The following SCPEP1 variants were observed in gnomAD, a reference collection of about 807,000 sequenced individuals.
SCPEP1 encodes the protein retinoid-inducible serine carboxypeptidase.
Under a neutral mutation model 63.8 loss-of-function variants are expected in SCPEP1, and 51 were observed. That is an observed-to-expected ratio of 0.80 (90% CI 0.64 to 1.01). The LOEUF (loss-of-function observed/expected upper bound fraction) is 1.01, where lower values mean the gene tolerates loss of function less well. Ranked by LOEUF, SCPEP1 falls within the 50% of genes least tolerant of loss-of-function variation. SCPEP1 has a pLI of 0.00. For missense variants in SCPEP1, 499 were observed against 554.9 expected (o/e 0.90, Z 1.01); for synonymous variants, 204 against 207.8 (o/e 0.98, Z 0.16).
At chr17:56,981,253 C>T in intron 2 of SCPEP1, 23 bp downstream of exon 2, 1 of 1,613,632 alleles carries the variant, frequency 6.2e-7, no homozygotes, top group Non-Finnish European at 8.5e-7. Flanking sequence ...CCCAGCCTGG[C>T]CTGAGGTCAA....
In SCPEP1 at chr17:56,985,368, T is replaced by G; in HGVS notation, c.226-10T>G. 6.2e-7 allele frequency: 1 copy of G among 1,612,654 alleles called. No homozygotes were observed. Among genetic ancestry groups the G allele is most frequent in the Non-Finnish European group, 8.5e-7 (1 of 1,178,758 alleles). On this transcript the variant is annotated splice_polypyrimidine_tract_variant and intron_variant, in intron 2 of 12. Transcript: ENST00000262288. The stretch of plus-strand genomic sequence containing the variant: ...CTAAAATTTTTGTTTGTTTCTTCTC[T>G]CTTCCATAGGGCGGTCCAGGCGGTT...
chr17:56,997,182 G>T (rs940216190), intron 9 of SCPEP1, 127 bp downstream of exon 9: 4 of 565,966 alleles, frequency 7.1e-6, no homozygotes, highest in East Asian at 2.9e-5. Flanking sequence ...CTCACTGTAA[G>T]TGGTTTTCAG....
At chr17:56,983,739 C>G (rs1160357174) in intron 2 of SCPEP1, 1 of 152,078 alleles carries the variant, frequency 6.6e-6, no homozygotes, top group African/African-American at 2.4e-5. Context: ...TTAGGTTGGT[C>G]CAGGTTCAAA....
chr17:56,982,813 G>T (rs531872693), intron 2 of SCPEP1: 6 of 152,028 alleles, frequency 3.9e-5, no homozygotes, highest in African/African-American at 1.5e-4. Context: ...AAGTGCTGAG[G>T]CTGAGGCTTC....
At chr17:56,995,469 A>G (rs1023459703) in intron 7 of SCPEP1, 38 bp from the exon 8 acceptor site, 1 of 1,600,928 alleles carries the variant, frequency 6.2e-7, no homozygotes. Context: ...GACGTTCCCA[A>G]GTAAAGTGGG....
intron 6 of SCPEP1, among the ~76,000 whole-genome samples, chr17:56,993,849 A>G (rs1419945661): frequency 6.6e-6 from 1 of 152,230 alleles, no homozygotes; most frequent in Non-Finnish European, 1.5e-5. Context: ...ATTATTTACT[A>G]TCTGTCCCTT....
rs773168555 is a variant in SCPEP1 at position 56,981,202 on chromosome 17, C to G, written c.197C>G (p.Ser66Ter). 1.9e-6 allele frequency: 3 copies of G among 1,614,190 alleles called. No homozygotes were observed. In the South Asian group the frequency reaches 3.3e-5, roughly 18 times the overall value. ...GCCACCAACTCCTGCAAGAACTTCT[C>G]AGAACTGCCCCTGGTCATGTGGCTT... ...YYATNSCKNF[S>*]ELPLVMWLQG... is the part of the protein sequence containing the mutation. Residue 66 changes from serine to a stop codon, truncating the protein, a stop_gained, in exon 2 of 13, where the codon TCA becomes TGA. Transcript: ENST00000262288. LOFTEE classifies it high-confidence loss of function.
Position 57,006,427 on chromosome 17 carries a change from A to G in SCPEP1, c.*192A>G. 2.5e-6 allele frequency: 1 copy of G among 396,182 alleles called. No individual in the cohort carries two copies. The highest frequency in any genetic ancestry group is 4.5e-6 in the Non-Finnish European group (1 of 220,834). 24.5% of individuals were successfully genotyped at this position (396,182 alleles called of 1,614,324 possible). On this transcript the variant is annotated 3_prime_UTR_variant, in exon 13 of 13. Transcript: ENST00000262288. ...TTTGGAAATTATTTCTGCTTCTTAA[A>G]AAAACCTAAGATTTTTTAAAAAATT...
At chr17:56,995,221 T>C in intron 7 of SCPEP1, 2 of 561,676 alleles carry the variant, frequency 3.6e-6, no homozygotes, top group South Asian at 5.4e-5. Flanking sequence ...ACACATCACT[T>C]TTTTCCAGAT....
rs566592657 is a variant in SCPEP1 at position 56,996,207 on chromosome 17, CTATT to C, written c.786+594_786+597del. On this transcript the variant is annotated intron_variant, in intron 8 of 12. Coordinates refer to ENST00000262288, the MANE Select transcript of SCPEP1 (RefSeq NM_021626.3). ...TATTTTTTACTTTTTCTTTTTTCCTCTATTTATTTATTTATTTATTTATTTTTGA... is the reference window on the plus strand; with the variant it reads ...TATTTTTTACTTTTTCTTTTTTCCTCTATTTATTTATTTATTTATTTTTGA... Among the ~76,000 whole-genome samples the C allele has an allele frequency of 5.9e-5, 9 of 151,850 alleles. 1 individual carries two copies. Among genetic ancestry groups the C allele is most frequent in the Middle Eastern group, 6.8e-3 (2 of 294 alleles).
chr17:56,981,797 G>A (rs763592769), intron 2 of SCPEP1, among the ~76,000 whole-genome samples: 2 of 152,168 alleles, frequency 1.3e-5, no homozygotes, highest in Admixed American at 6.5e-5. Context: ...GCTCCAGCCT[G>A]GGCGACAGAG....
chr17:57,004,091 C>G (rs928275750), intron 12 of SCPEP1, among the ~76,000 whole-genome samples: 1 of 152,128 alleles, frequency 6.6e-6, no homozygotes, highest in Non-Finnish European at 1.5e-5. Flanking sequence ...CCCAGCTACT[C>G]AGGAGGCTGA....
intron 2 of SCPEP1, 107 bp downstream of exon 2, chr17:56,981,337 C>A: frequency 8.2e-7 from 1 of 1,223,234 alleles, no homozygotes; most frequent in Non-Finnish European, 1.2e-6. Flanking sequence ...CGGATTTGGT[C>A]CAGCAGTGTG....
chr17:57,000,923 G>A lies in SCPEP1; in HGVS notation c.1063G>A (p.Glu355Lys), dbSNP rs531485456. 21 of 1,614,138 alleles carry A rather than the reference G, an allele frequency of 1.3e-5. No homozygotes were observed. The African/African-American group carries it at 1.7e-4, about 13-fold the overall frequency. Residue 355 changes from glutamate (E) to lysine (K), a missense_variant, in exon 11 of 13, where the codon GAG becomes AAG. Coordinates refer to ENST00000262288, the MANE Select transcript of SCPEP1 (RefSeq NM_021626.3). The part of the protein sequence containing the change: ...FMKPVISIVD[E>K]LLEAGINVTV... ...GAAGCCAGTCATTAGCATTGTGGAC[G>A]AGTTGCTGGAGGCAGGGATCAACGT... is the stretch of plus-strand genomic sequence containing the variant.
chr17:56,987,785 G>A lies in SCPEP1; in HGVS notation c.406G>A (p.Ala136Thr). 3 of 1,614,132 alleles carry A rather than the reference G, an allele frequency of 1.9e-6. No homozygotes were observed. Among genetic ancestry groups the A allele is most frequent in the Non-Finnish European group, 2.5e-6 (3 of 1,180,032 alleles). The change falls in exon 4 of 13, where the codon GCT (alanine) becomes ACT (threonine). Residue 136 changes from alanine to threonine, a missense_variant. Coordinates refer to ENST00000262288, the MANE Select transcript of SCPEP1 (RefSeq NM_021626.3). ...TAGTGGTGCCTATGCCAAGGACCTG[G>A]CTATGGTGGCTTCAGACATGATGGT... ...NGSGAYAKDL[A>T]MVASDMMVLL...
chr17:57,002,530 AC>A (rs750736530), intron 12 of SCPEP1, among the ~76,000 whole-genome samples: 39 of 152,234 alleles, frequency 2.6e-4, no homozygotes, highest in Admixed American at 8.5e-4. Flanking sequence ...AGCCTTCGCA[AC>A]GTGGCGAAAC....
At chr17:56,997,145 C>T in intron 9 of SCPEP1, 90 bp downstream of exon 9, 1 of 774,102 alleles carries the variant, frequency 1.3e-6, no homozygotes, top group Non-Finnish European at 2.0e-6. Context: ...ACTTTATTAA[C>T]ATATAATTTG....
intron 8 of SCPEP1, among the ~76,000 whole-genome samples, chr17:56,996,733 G>A (rs577807205): frequency 3.0e-4 from 45 of 151,094 alleles, no homozygotes; most frequent in South Asian, 2.3e-3. Context: ...TGACCAGGCC[G>A]GTCTCGAACT....
intron 8 of SCPEP1, among the ~76,000 whole-genome samples, chr17:56,996,746 TG>T (rs1444823565): frequency 1.3e-5 from 2 of 151,992 alleles, no homozygotes; most frequent in Non-Finnish European, 2.9e-5. Context: ...CTCGAACTCC[TG>T]GGCTCAAGTG....
Sources: allele counts gnomAD v4.1 joint callset (sites outside exome capture counted in the v4.1 genomes callset), GRCh38; gene constraint gnomAD v4.1.1; transcripts MANE v1.5; gene names NCBI Gene and HGNC (gene_info 2026-07-23, HGNC 2026-07-21).